HERC1: variants seen among roughly 807,000 people sequenced by gnomAD.
The protein encoded by HERC1 is HECT and RLD domain containing E3 ubiquitin protein ligase family member 1.
HERC1 carries 160 observed loss-of-function variants against 554.3 expected under a neutral mutation model. That is an observed-to-expected ratio of 0.29 (90% CI 0.25 to 0.33). The LOEUF (loss-of-function observed/expected upper bound fraction) is 0.33, where lower values mean the gene tolerates loss of function less well. Among genes scored for constraint, HERC1 ranks in the 10% least tolerant of loss-of-function variants. HERC1 has a pLI of 1.00. For synonymous variants in HERC1, 2,175 were observed against 2,131.7 expected (o/e 1.02, Z -0.56); for missense variants, 4,919 against 5,918.5 (o/e 0.83, Z 5.54).
chr15:63,666,175 T>C (rs536657278), intron 41 of HERC1, 25 bp from the exon 42 acceptor site: 1 of 1,573,888 alleles, frequency 6.4e-7, no homozygotes, highest in African/African-American at 1.4e-5. Context: ...AACAGTCTGA[T>C]GCTGACTTTG....
At chr15:63,637,438 G>C in intron 64 of HERC1, 67 bp downstream of exon 64, 1 of 1,373,020 alleles carries the variant, frequency 7.3e-7, no homozygotes, top group Non-Finnish European at 1.0e-6. Flanking sequence ...GAAGGGCAAA[G>C]GTTTGTACGA....
chr15:63,732,024 T>C (rs2074318017), intron 14 of HERC1, among the ~76,000 whole-genome samples: 1 of 151,956 alleles, frequency 6.6e-6, no homozygotes, highest in Non-Finnish European at 1.5e-5. Flanking sequence ...TGTTTTGAGA[T>C]GGGGTCTCGC....
At chr15:63,824,744 T>C (rs1433999249) in intron 1 of HERC1, among the ~76,000 whole-genome samples, 1 of 151,566 alleles carries the variant, frequency 6.6e-6, no homozygotes, top group Non-Finnish European at 1.5e-5. Flanking sequence ...ACAAACACAC[T>C]CTGGAATAGT....
intron 51 of HERC1, among the ~76,000 whole-genome samples, chr15:63,653,415 T>A (rs531323908): frequency 1.3e-5 from 2 of 152,264 alleles, no homozygotes; most frequent in Non-Finnish European, 2.9e-5. Context: ...TGTACTTCAG[T>A]CTGGGTGAGA....
chr15:63,803,672 C>G (rs1044282323), intron 1 of HERC1, among the ~76,000 whole-genome samples: 1 of 152,120 alleles, frequency 6.6e-6, no homozygotes, highest in Non-Finnish European at 1.5e-5. Flanking sequence ...AGTCTTGTTG[C>G]TATGATAAAA....
In HERC1 at chr15:63,666,484, G is replaced by A. The variant is rs773630952; in HGVS notation, c.8207-12C>T. The A allele has an allele frequency of 1.1e-5, 17 of 1,538,662 alleles. No homozygotes were observed. The highest frequency in any genetic ancestry group is 1.5e-5 in the Non-Finnish European group (17 of 1,121,730). On this transcript the variant is annotated splice_polypyrimidine_tract_variant and intron_variant, in intron 40 of 77. Transcript: ENST00000443617. Reference sequence around the variant, plus strand: ...TGGGTCTGACAAGGCTGAGACAAAAGGAAGAGAAATAAGAACCTAAATATC... The same window carrying A: ...TGGGTCTGACAAGGCTGAGACAAAAAGAAGAGAAATAAGAACCTAAATATC...
intron 55 of HERC1, 39 bp downstream of exon 55, chr15:63,648,030 T>G: frequency 1.3e-6 from 2 of 1,493,978 alleles, no homozygotes; most frequent in South Asian, 2.4e-5. Context: ...AAATTATATT[T>G]GTATCCCATA....
intron 61 of HERC1, among the ~76,000 whole-genome samples, chr15:63,639,697 A>T (rs987818814): frequency 1.3e-5 from 2 of 152,212 alleles, no homozygotes; most frequent in Non-Finnish European, 2.9e-5. Flanking sequence ...TCTAGAGTAG[A>T]CACTCTCAAA....
chr15:63,773,419 G>A (rs1485020356), intron 2 of HERC1, among the ~76,000 whole-genome samples: 2 of 147,754 alleles, frequency 1.4e-5, no homozygotes, highest in Admixed American at 6.7e-5. Context: ...ACTCCCGCCT[G>A]GGTGACAAGA....
At chr15:63,821,835 T>G (rs2077709496) in intron 1 of HERC1, among the ~76,000 whole-genome samples, 1 of 152,158 alleles carries the variant, frequency 6.6e-6, no homozygotes, top group South Asian at 2.1e-4. Context: ...CTAGGGACTT[T>G]TCTAGGCAGT....
intron 1 of HERC1, among the ~76,000 whole-genome samples, chr15:63,793,739 A>G (rs555727094): frequency 6.6e-6 from 1 of 151,588 alleles, no homozygotes; most frequent in South Asian, 2.1e-4. Context: ...GGGTCTGGAT[A>G]GGGACCCCTT....
In HERC1 at chr15:63,609,093, G is replaced by A; in HGVS notation, c.14574C>T (p.Asp4858=). Residue 4858 remains aspartate (D), a synonymous_variant, in exon 78 of 78, where the codon GAC becomes GAT. Coordinates refer to ENST00000443617, the MANE Select transcript of HERC1 (RefSeq NM_003922.4). ...SRNVDNAEGS[D]TDY ...AGCACCCGCACGGTCAGTAGTCAGT[G>A]TCGGAGCCCTCGGCGTTGTCCACGT... is the stretch of plus-strand genomic sequence containing the variant. 1 of 1,613,496 alleles carries A rather than the reference G, an allele frequency of 6.2e-7. No homozygotes were observed. The highest frequency in any genetic ancestry group is 8.5e-7 in the Non-Finnish European group (1 of 1,179,624).
chr15:63,821,726 C>CAAAAAAAAAAAA (rs35074987), intron 1 of HERC1, among the ~76,000 whole-genome samples: 67 of 62,468 alleles, frequency 1.1e-3, no homozygotes, highest in East Asian at 2.6e-3. Flanking sequence ...TACCCTGTCT[C>CAAAAAAAAAAAA]AAAAAAAAAA....
At chr15:63,628,391 A>G (rs1415816680) in intron 70 of HERC1, among the ~76,000 whole-genome samples, 1 of 152,132 alleles carries the variant, frequency 6.6e-6, no homozygotes, top group East Asian at 1.9e-4. Context: ...CTCCATCTCA[A>G]AAAAAAACTT....
At chr15:63,703,207 CTACA>C (rs1567031872) in intron 25 of HERC1, among the ~76,000 whole-genome samples, 1 of 152,092 alleles carries the variant, frequency 6.6e-6, no homozygotes, top group African/African-American at 2.4e-5. Flanking sequence ...TTGCCCCTTC[CTACA>C]TATTCACTTT....
chr15:63,686,027 G>C (rs1258676005), intron 34 of HERC1, among the ~76,000 whole-genome samples: 1 of 152,066 alleles, frequency 6.6e-6, no homozygotes, highest in South Asian at 2.1e-4. Flanking sequence ...ATCTCTAATG[G>C]GCTTTCCTAG....
intron 30 of HERC1, among the ~76,000 whole-genome samples, chr15:63,693,605 T>C (rs901014707): frequency 6.8e-6 from 1 of 147,898 alleles, no homozygotes; most frequent in African/African-American, 2.4e-5. Flanking sequence ...AGGTTAGAGA[T>C]GGCTTGTCAG....
In HERC1 at chr15:63,674,833, T is replaced by C. The variant is rs1054066238; in HGVS notation, c.7355A>G (p.Gln2452Arg). Residue 2452 changes from glutamine to arginine, a missense_variant, in exon 38 of 78, where the codon CAG becomes CGG. Around this residue, in one of 11 missense-constraint regions of HERC1, gnomAD observed 1,963 missense variants for 2,228.6 expected, o/e 0.88. Transcript: ENST00000443617. ...TGLTSDDVKS[Q>R]STTSSKSENE... ...TTCTGATTTGGAGCTTGTGGTACTC[T>C]GACTTTTGACGTCATCAGATGTTAG... is the stretch of plus-strand genomic sequence containing the variant. 9.9e-6 allele frequency: 16 copies of C among 1,613,864 alleles called. No individual in the cohort carries two copies. The highest frequency in any genetic ancestry group is 1.3e-5 in the Non-Finnish European group (15 of 1,179,804).
chr15:63,807,165 C>A (rs1290287626), intron 1 of HERC1, among the ~76,000 whole-genome samples: 1 of 152,166 alleles, frequency 6.6e-6, no homozygotes, highest in Non-Finnish European at 1.5e-5. Context: ...CTGGACTAGG[C>A]ATTCTCTATT....
Sources: gnomAD v4.1 joint callset for allele counts (sites outside exome capture counted in the v4.1 genomes callset) on GRCh38, gnomAD v4.1.1 for gene constraint, gnomAD v4.1.1 regional missense constraint, MANE v1.5 for transcripts, NCBI Gene and HGNC (gene_info 2026-07-23, HGNC 2026-07-21) for gene names.